Variants in BMP5 observed in about 807,000 individuals in gnomAD.
BMP5 encodes the protein bone morphogenetic protein 5.
A neutral mutation model predicts 46.6 loss-of-function variants in BMP5; 23 were observed. That is an observed-to-expected ratio of 0.49 (90% CI 0.35 to 0.70). The LOEUF is 0.70. Ranked by LOEUF, BMP5 falls within the 30% of genes least tolerant of loss-of-function variation. The pLI, the probability that BMP5 is intolerant of heterozygous loss-of-function variation, is 0.00. For missense variants in BMP5, 545 were observed against 565.6 expected (o/e 0.96, Z 0.37); for synonymous variants, 204 against 191.9 (o/e 1.06, Z -0.52).
At chr6:55,797,560 C>T (rs1582072770) in intron 2 of BMP5, among the ~76,000 whole-genome samples, 1 of 151,024 alleles carries the variant, frequency 6.6e-6, no homozygotes, top group Admixed American at 6.6e-5. Flanking sequence ...AGCCCATTTA[C>T]ATGAATGTGC....
rs143749716 is a variant in BMP5, at chr6:55,765,360, T to C, written c.1028-4827A>G. 7.1e-3 allele frequency among the ~76,000 whole-genome samples: 1,082 copies of C among 152,288 alleles called. 6 individuals carry two copies. The highest frequency in any genetic ancestry group is 0.012 in the Non-Finnish European group (849 of 68,022). ...ATGACAACAGCTTCAATGAGCTAAATATGATGATATGCTGCTGTTTCAAAG... is the reference window on the plus strand; with the variant it reads ...ATGACAACAGCTTCAATGAGCTAAACATGATGATATGCTGCTGTTTCAAAG... On this transcript the variant is annotated intron_variant, in intron 4 of 6. Coordinates refer to ENST00000370830, the MANE Select transcript of BMP5 (RefSeq NM_021073.4).
chr6:55,807,320 C>T (rs1157414132), intron 2 of BMP5, among the ~76,000 whole-genome samples: 6 of 152,006 alleles, frequency 3.9e-5, no homozygotes, highest in Non-Finnish European at 8.8e-5. Flanking sequence ...ATTGGGATGA[C>T]CATGTGATTT....
intron 2 of BMP5, among the ~76,000 whole-genome samples, chr6:55,805,201 C>A (rs930868783): frequency 2.6e-5 from 4 of 152,022 alleles, no homozygotes; most frequent in African/African-American, 9.7e-5. Flanking sequence ...TATCAGGTGC[C>A]AATAAGCTGT....
rs554039115 is a variant in BMP5 at position 55,870,201 on chromosome 6, GAA to G, written c.490+4173_490+4174del. 6.2e-4 allele frequency among the ~76,000 whole-genome samples: 69 copies of G among 110,840 alleles called. 1 individual carries two copies. Among genetic ancestry groups the G allele is most frequent in the South Asian group, 1.2e-3 (4 of 3,340 alleles). 72.7% of individuals were successfully genotyped at this position (110,840 alleles called of 152,430 possible). On this transcript the variant is annotated intron_variant, in intron 1 of 6. Coordinates refer to ENST00000370830, the MANE Select transcript of BMP5 (RefSeq NM_021073.4). ...TATTTGTGAGTAACCACTACAATTT[GAA>G]AAAAAAAAAAAAAGCATTTAATTAA...
chr6:55,761,390 A>G (rs1774772918), intron 4 of BMP5, among the ~76,000 whole-genome samples: 1 of 152,020 alleles, frequency 6.6e-6, no homozygotes, highest in African/African-American at 2.4e-5. Flanking sequence ...CAGTCCCTCT[A>G]TGGTCTTCAT....
At chr6:55,839,320 C>T (rs1776895441) in intron 1 of BMP5, among the ~76,000 whole-genome samples, 2 of 149,582 alleles carry the variant, frequency 1.3e-5, no homozygotes, top group Admixed American at 6.7e-5. Context: ...ATTTATTCAT[C>T]ATTTATTATT....
chr6:55,809,983 C>A (rs1289032173), intron 2 of BMP5, among the ~76,000 whole-genome samples: 2 of 152,054 alleles, frequency 1.3e-5, no homozygotes, highest in Non-Finnish European at 2.9e-5. Context: ...ATGATGGCCA[C>A]CCAAGGAGAA....
chr6:55,787,676 C>A (rs1264780767), intron 3 of BMP5, among the ~76,000 whole-genome samples: 1 of 151,502 alleles, frequency 6.6e-6, no homozygotes, highest in Non-Finnish European at 1.5e-5. Flanking sequence ...ACAACAACAA[C>A]AAAAATTATC....
At chr6:55,759,965 TA>T (rs1390067055) in intron 5 of BMP5, among the ~76,000 whole-genome samples, 1 of 151,872 alleles carries the variant, frequency 6.6e-6, no homozygotes, top group Non-Finnish European at 1.5e-5. Context: ...ATAGAGCCAT[TA>T]AAAAATTACT....
At chr6:55,787,057 T>A (rs920038149) in intron 3 of BMP5, among the ~76,000 whole-genome samples, 4 of 151,770 alleles carry the variant, frequency 2.6e-5, no homozygotes, top group Admixed American at 2.6e-4. Flanking sequence ...AATATCACCC[T>A]TGATCTTTGA....
At chr6:55,831,655 A>G (rs959457748) in intron 1 of BMP5, among the ~76,000 whole-genome samples, 1 of 151,954 alleles carries the variant, frequency 6.6e-6, no homozygotes, top group Non-Finnish European at 1.5e-5. Flanking sequence ...TAAAAAAAAA[A>G]TGTCCAGAAT....
At position 55,869,572 on chromosome 6, in the gene BMP5, T is replaced by G. The variant is rs73450213; in HGVS notation, c.490+4804A>C. On this transcript the variant is annotated intron_variant, in intron 1 of 6. Transcript: ENST00000370830. The stretch of plus-strand genomic sequence containing the variant: ...ATAAACTAAACAGGAATGGCATGTT[T>G]GATGAGTGTTATTTTTGTTCATTGT... 8.0e-3 allele frequency among the ~76,000 whole-genome samples: 1,214 copies of G among 152,352 alleles called. 20 individuals are homozygous for G. The highest frequency in any genetic ancestry group is 0.027 in the African/African-American group (1,132 of 41,590).
chr6:55,858,677 G>C (rs1350149152), intron 1 of BMP5, among the ~76,000 whole-genome samples: 1 of 152,168 alleles, frequency 6.6e-6, no homozygotes, highest in Non-Finnish European at 1.5e-5. Context: ...TTTTCAGGAG[G>C]CTTAAACGTG....
intron 1 of BMP5, among the ~76,000 whole-genome samples, chr6:55,823,747 A>T (rs1776464076): frequency 6.6e-6 from 1 of 151,784 alleles, no homozygotes; most frequent in Admixed American, 6.6e-5. Flanking sequence ...TCCCTTTATG[A>T]TGCTCCCATA....
At position 55,874,853 on chromosome 6, in the gene BMP5, C is replaced by G. The variant is rs749530987; in HGVS notation, c.13G>C (p.Val5Leu). ...CCCACAATACCCTTAAGTAAAAATA[C>G]AGTCAGATGCATTTTTGTCCAAAAG... is the stretch of plus-strand genomic sequence containing the variant. MHLT[V>L]FLLKGIVGFL... The change falls in exon 1 of 7, where the codon GTA becomes CTA. Residue 5 changes from valine to leucine, a missense_variant. By Grantham distance (32) the Val-to-Leu change is conservative. Coordinates refer to ENST00000370830, the MANE Select transcript of BMP5 (RefSeq NM_021073.4). The G allele has an allele frequency of 6.2e-7, 1 of 1,612,414 alleles. No individual in the cohort carries two copies. The highest frequency in any genetic ancestry group is 8.5e-7 in the Non-Finnish European group (1 of 1,179,350).
At chr6:55,833,699 A>G (rs1273452433) in intron 1 of BMP5, among the ~76,000 whole-genome samples, 1 of 152,218 alleles carries the variant, frequency 6.6e-6, no homozygotes, top group Non-Finnish European at 1.5e-5. Context: ...TAAACAGGAC[A>G]GCAATCTCTG....
chr6:55,760,529 A>T lies in BMP5; in HGVS notation c.1032T>A (p.Tyr344Ter). 1 of 1,612,950 alleles carries T rather than the reference A, an allele frequency of 6.2e-7. No homozygotes were observed. Among genetic ancestry groups the T allele is most frequent in the Non-Finnish European group, 8.5e-7 (1 of 1,179,172 alleles). ...DSSRMSSVGD[Y>*]NTSEQKQACK... ...AGGCTTGTTTTTGCTCACTTGTGTT[A>T]TAATCTGAAGATAAAAACCACATTT... Residue 344 changes from tyrosine (Y) to a stop codon, truncating the protein, a stop_gained, in exon 5 of 7, where the codon TAT (tyrosine) becomes TAA (stop). Transcript: ENST00000370830. LOFTEE classifies it high-confidence loss of function.
chr6:55,867,409 C>T (rs1226760093), intron 1 of BMP5, among the ~76,000 whole-genome samples: 1 of 152,142 alleles, frequency 6.6e-6, no homozygotes, highest in Non-Finnish European at 1.5e-5. Flanking sequence ...CAAAACAAAA[C>T]CTCTGCCCAC....
intron 4 of BMP5, 79 bp from the exon 5 acceptor site, chr6:55,760,612 A>AT: frequency 2.3e-6 from 3 of 1,286,730 alleles, no homozygotes; most frequent in Admixed American, 1.8e-5. Flanking sequence ...CACTGGTAAG[A>AT]TTTTTTAAAG....
Sources: allele counts gnomAD v4.1 joint callset (sites outside exome capture counted in the v4.1 genomes callset), GRCh38; gene constraint gnomAD v4.1.1; transcripts MANE v1.5; gene names NCBI Gene and HGNC (gene_info 2026-07-23, HGNC 2026-07-21).